Variants in PPP5C observed in about 807,000 individuals in gnomAD.
PPP5C encodes the protein serine/threonine-protein phosphatase 5.
Under a neutral mutation model 66.7 loss-of-function variants are expected in PPP5C, and 21 were observed. That is an observed-to-expected ratio of 0.31 (90% CI 0.22 to 0.45). The LOEUF is 0.45. Among genes scored for constraint, PPP5C ranks in the 20% least tolerant of loss-of-function variants. The pLI is 1.00. For missense variants in PPP5C, 464 were observed against 675.9 expected, an observed-to-expected ratio of 0.69 and a Z score of 3.48; for synonymous variants, 246 against 257.4, an observed-to-expected ratio of 0.96 and a Z score of 0.43.
chr19:46,352,308 T>C (rs1002118624), intron 1 of PPP5C, among the ~76,000 whole-genome samples: 6 of 152,174 alleles, frequency 3.9e-5, no homozygotes, highest in Non-Finnish European at 7.3e-5. Context: ...GTGGGGACTC[T>C]GTGCAGGGCT....
At chr19:46,389,549 G>T (rs911870717) in intron 11 of PPP5C, among the ~76,000 whole-genome samples, 3 of 151,406 alleles carry the variant, frequency 2.0e-5, no homozygotes, top group Non-Finnish European at 4.4e-5. Context: ...ACTTCTTCCA[G>T]ACAGGACCTA....
At chr19:46,384,755 CACCGCA>C in intron 6 of PPP5C, 43 bp from the exon 7 acceptor site, 9 of 1,451,864 alleles carry the variant, frequency 6.2e-6, no homozygotes, top group Non-Finnish European at 8.7e-6. Flanking sequence ...AACCCCACCG[CACCGCA>C]CCCTTCCCCT....
At chr19:46,368,910 A>G (rs1972536183) in intron 2 of PPP5C, among the ~76,000 whole-genome samples, 1 of 152,218 alleles carries the variant, frequency 6.6e-6, no homozygotes, top group African/African-American at 2.4e-5. Context: ...TTACGGGTAA[A>G]GTAGTATTCC....
chr19:46,370,969 T>C (rs773789986), intron 2 of PPP5C, among the ~76,000 whole-genome samples: 15 of 152,200 alleles, frequency 9.9e-5, no homozygotes, highest in African/African-American at 3.6e-4. Context: ...CTTGATCTCC[T>C]GACCTCATGA....
intron 2 of PPP5C, among the ~76,000 whole-genome samples, chr19:46,374,692 G>A (rs1972660843): frequency 6.6e-6 from 1 of 152,200 alleles, no homozygotes; most frequent in African/African-American, 2.4e-5. Context: ...AGCAGCCCCA[G>A]AAGGGGGACC....
chr19:46,389,568 C>T (rs1234764763), intron 11 of PPP5C, among the ~76,000 whole-genome samples: 1 of 151,914 alleles, frequency 6.6e-6, no homozygotes, highest in Admixed American at 6.6e-5. Context: ...TAAACAAGGA[C>T]CACATTTTCA....
intron 7 of PPP5C, among the ~76,000 whole-genome samples, chr19:46,385,778 TAAAA>T (rs924225395): frequency 8.8e-6 from 1 of 114,142 alleles, no homozygotes; most frequent in Non-Finnish European, 1.9e-5. Flanking sequence ...AGACTCAGTC[TAAAA>T]AAAAAAAAAA....
At chr19:46,352,117 A>T (rs559406385) in intron 1 of PPP5C, among the ~76,000 whole-genome samples, 2 of 151,438 alleles carry the variant, frequency 1.3e-5, no homozygotes, top group South Asian at 2.1e-4. Flanking sequence ...CAACCAACTG[A>T]CTCCCATCCT....
intron 2 of PPP5C, among the ~76,000 whole-genome samples, chr19:46,371,998 T>TG (rs1972601569): frequency 1.3e-5 from 2 of 152,304 alleles, no homozygotes; most frequent in Admixed American, 6.5e-5. Context: ...CTGGTAAGTT[T>TG]GGGCAGCTCG....
chr19:46,347,462 T>C (rs1422991191), intron 1 of PPP5C, among the ~76,000 whole-genome samples: 1 of 151,556 alleles, frequency 6.6e-6, no homozygotes, highest in Non-Finnish European at 1.5e-5. Flanking sequence ...CGCCACCAAT[T>C]GTGGGGCGAG....
chr19:46,363,498 C>T (rs906916567), intron 2 of PPP5C, among the ~76,000 whole-genome samples: 2 of 151,480 alleles, frequency 1.3e-5, no homozygotes, highest in Middle Eastern at 3.2e-3. Context: ...GGCGCGATCT[C>T]GGCTCACTGC....
chr19:46,387,324 G>A (rs1479922567), intron 8 of PPP5C, 42 bp from the exon 9 acceptor site: 12 of 1,608,720 alleles, frequency 7.5e-6, no homozygotes, highest in Non-Finnish European at 1.0e-5. Context: ...GCCTGTGGGT[G>A]GGTGGCACCT....
chr19:46,386,018 T>G (rs1972879361), intron 7 of PPP5C, among the ~76,000 whole-genome samples: 1 of 149,960 alleles, frequency 6.7e-6, no homozygotes, highest in Non-Finnish European at 1.5e-5. Flanking sequence ...GACACAGGTG[T>G]GAGACAAAGA....
chr19:46,388,771 C>T lies in PPP5C; in HGVS notation c.1355+40C>T, dbSNP rs1972937356. On this transcript the variant is annotated intron_variant, in intron 11 of 12. Transcript: ENST00000012443. This position sits in a 1 kb window ranked among gnomAD's most constrained non-coding sequence, Gnocchi z 4.9. ...TTCCAGCCCAGGGCCTCTACCAAGC[C>T]ACGGGTTTTTGTCTTGGTTTTTGTT... is the stretch of plus-strand genomic sequence containing the variant. The T allele has an allele frequency of 6.3e-7, 1 of 1,587,912 alleles. No homozygotes were observed. Among genetic ancestry groups the T allele is most frequent in the Non-Finnish European group, 8.6e-7 (1 of 1,165,392 alleles).
At chr19:46,386,827 G>A (rs1972897142) in intron 7 of PPP5C, 1 of 545,100 alleles carries the variant, frequency 1.8e-6, no homozygotes, top group Non-Finnish European at 3.3e-6. Flanking sequence ...GCCCAGGCTG[G>A]TCTCAAATTG....
intron 2 of PPP5C, among the ~76,000 whole-genome samples, chr19:46,364,181 C>G (rs1418243891): frequency 6.6e-6 from 1 of 152,064 alleles, no homozygotes; most frequent in Non-Finnish European, 1.5e-5. Flanking sequence ...TCAGAGAGAA[C>G]AGAGGCATCA....
At position 46,367,837 on chromosome 19, in the gene PPP5C, C is replaced by T. The variant is rs575683826; in HGVS notation, c.364-7767C>T. ...CACAATTAGAATAATCTGACTGTTG[C>T]GCCCCAGTCAGAATAAGGGCTTATG... On this transcript the variant is annotated intron_variant, in intron 2 of 12. Transcript: ENST00000012443. Among the ~76,000 whole-genome samples, 10 of 152,276 alleles carry T rather than the reference C, an allele frequency of 6.6e-5. No homozygotes were observed. The South Asian group carries it at 1.7e-3, about 25-fold the overall frequency.
In PPP5C at chr19:46,353,956, C is replaced by A; in HGVS notation, c.330C>A (p.Gly110=). 1 of 1,609,738 alleles carries A rather than the reference C, an allele frequency of 6.2e-7. No homozygotes were observed. The highest frequency in any genetic ancestry group is 1.1e-5 in the South Asian group (1 of 90,190). The stretch of plus-strand genomic sequence containing the variant: ...GGGCTGCCAGCAACATGGCACTGGG[C>A]AAGTTCCGGGCCGCGCTGCGAGACT... ...YRRAASNMAL[G]KFRAALRDYE... Residue 110 remains glycine (G), a synonymous_variant, in exon 2 of 13, where the codon GGC becomes GGA. Coordinates refer to ENST00000012443, the MANE Select transcript of PPP5C (RefSeq NM_006247.4).
chr19:46,368,471 T>A (rs1367716071), intron 2 of PPP5C, among the ~76,000 whole-genome samples: 1 of 152,238 alleles, frequency 6.6e-6, no homozygotes, highest in Non-Finnish European at 1.5e-5. Context: ...GACATATCAG[T>A]CCTTCAGCCC....
Sources: gnomAD v4.1 joint callset for allele counts (sites outside exome capture counted in the v4.1 genomes callset) on GRCh38, gnomAD v4.1.1 for gene constraint, Gnocchi (gnomAD v3.1) non-coding constraint, MANE v1.5 for transcripts, NCBI Gene and HGNC (gene_info 2026-07-23, HGNC 2026-07-21) for gene names.